CYP7B1: variants seen among roughly 807,000 people sequenced by gnomAD.
CYP7B1 encodes the protein cytochrome P450 family 7 subfamily B member 1, also known as cytochrome P450 7B1.
Under a neutral mutation model 42.7 loss-of-function variants are expected in CYP7B1, and 29 were observed. The ratio of observed to expected loss-of-function variants is 0.68; its 90% CI spans 0.51 to 0.93. The LOEUF is 0.93. Among genes scored for constraint, CYP7B1 ranks in the 40% least tolerant of loss-of-function variants. CYP7B1 has a pLI of 0.00. For synonymous variants in CYP7B1, 235 were observed against 218.2 expected, an observed-to-expected ratio of 1.08 and a Z score of -0.68; for missense variants, 655 against 600.5, an observed-to-expected ratio of 1.09 and a Z score of -0.95.
intron 1 of CYP7B1, among the ~76,000 whole-genome samples, chr8:64,765,959 A>G (rs1056482073): frequency 3.9e-5 from 6 of 152,192 alleles, no homozygotes; most frequent in Non-Finnish European, 7.3e-5. Flanking sequence ...TTGGAGCCAT[A>G]TATTGTTACT....
At chr8:64,760,317 A>G (rs1032893364) in intron 1 of CYP7B1, among the ~76,000 whole-genome samples, 7 of 152,120 alleles carry the variant, frequency 4.6e-5, no homozygotes, top group African/African-American at 1.4e-4. Context: ...TTTTTTGGTT[A>G]TGACACCAAA....
chr8:64,612,526 C>T (rs1355135953), intron 4 of CYP7B1, among the ~76,000 whole-genome samples: 2 of 152,062 alleles, frequency 1.3e-5, no homozygotes, highest in African/African-American at 4.8e-5. Flanking sequence ...ACAAATCTAT[C>T]ATAACCTCTT....
At chr8:64,620,302 T>C (rs1379742309) in intron 2 of CYP7B1, among the ~76,000 whole-genome samples, 3 of 152,190 alleles carry the variant, frequency 2.0e-5, no homozygotes. Context: ...AAATATCGGT[T>C]GGAAGAGTGA....
chr8:64,608,055 A>G (rs1167749465), intron 4 of CYP7B1, among the ~76,000 whole-genome samples: 1 of 152,216 alleles, frequency 6.6e-6, no homozygotes, highest in African/African-American at 2.4e-5. Flanking sequence ...CACAATTCAG[A>G]GCATGCACTA....
chr8:64,764,800 C>T (rs1256472498), intron 1 of CYP7B1, among the ~76,000 whole-genome samples: 1 of 152,086 alleles, frequency 6.6e-6, no homozygotes, highest in African/African-American at 2.4e-5. Context: ...AGCTTACTAA[C>T]TAAAAAATCT....
At chr8:64,636,279 A>T (rs1408649525) in intron 1 of CYP7B1, among the ~76,000 whole-genome samples, 1 of 151,928 alleles carries the variant, frequency 6.6e-6, no homozygotes, top group Non-Finnish European at 1.5e-5. Context: ...GGCTCTGCCA[A>T]CTCCTACCTT....
At position 64,615,968 on chromosome 8, in the gene CYP7B1, G is replaced by T. The variant is rs1245820259; in HGVS notation, c.573C>A (p.Ile191=). 6.2e-7 allele frequency: 1 copy of T among 1,613,646 alleles called. No homozygotes were observed. The highest frequency in any genetic ancestry group is 8.5e-7 in the Non-Finnish European group (1 of 1,179,816). ...YPFCSSIIFE[I]TFTTIYGKVI... ...CTTTTCCATATATAGTTGTAAATGT[G>T]ATCTCAAATATTATTGAGCTGCAGA... The change falls in exon 3 of 6, where the codon ATC becomes ATA. Residue 191 remains isoleucine, a synonymous_variant. Coordinates refer to ENST00000310193, the MANE Select transcript of CYP7B1 (RefSeq NM_004820.5).
intron 1 of CYP7B1, among the ~76,000 whole-genome samples, chr8:64,716,584 G>C (rs995343717): frequency 6.6e-6 from 1 of 152,056 alleles, no homozygotes; most frequent in African/African-American, 2.4e-5. Flanking sequence ...GTAGGCACCT[G>C]TAATCACAGC....
Position 64,593,235 on chromosome 8 carries a change from GTGTGTGTGTGTGTGTGTGTGTGTGT to G in CYP7B1, c.*3382_*3406del, listed in dbSNP as rs1805064711. On this transcript the variant is annotated 3_prime_UTR_variant, in exon 6 of 6. Transcript: ENST00000310193. ...TGGACTAAAGGCTAGGGCCCAGGGT[GTGTGTGTGTGTGTGTGTGTGTGTGT>G]GTGTGTGTGTGTGTGTGTGTGTGTG... 1.9e-5 allele frequency among the ~76,000 whole-genome samples: 1 copy of G among 51,664 alleles called. No individual in the cohort carries two copies. Among genetic ancestry groups the G allele is most frequent in the Admixed American group, 2.1e-4 (1 of 4,718 alleles). 33.9% of individuals were successfully genotyped at this position (51,664 alleles called of 152,430 possible).
chr8:64,764,227 C>T (rs1807935338), intron 1 of CYP7B1, among the ~76,000 whole-genome samples: 1 of 8,374 alleles, frequency 1.2e-4, no homozygotes, highest in Admixed American at 6.0e-4. Flanking sequence ...AGCTTCCACG[C>T]TGCCCCCCCC....
At chr8:64,742,756 C>T (rs1807588914) in intron 1 of CYP7B1, among the ~76,000 whole-genome samples, 1 of 152,086 alleles carries the variant, frequency 6.6e-6, no homozygotes, top group South Asian at 2.1e-4. Context: ...TCCGTGTGTA[C>T]CTCCTTTTAT....
chr8:64,728,857 AC>A (rs1008753047), intron 1 of CYP7B1: 1 of 152,180 alleles, frequency 6.6e-6, no homozygotes, highest in African/African-American at 2.4e-5. Context: ...AGAATATCCT[AC>A]CCAAGAAATT....
chr8:64,738,742 G>A (rs190063798), intron 1 of CYP7B1, among the ~76,000 whole-genome samples: 1 of 152,226 alleles, frequency 6.6e-6, no homozygotes, highest in African/African-American at 2.4e-5. Flanking sequence ...GAGCTTGCAG[G>A]GCAAACTGCC....
At chr8:64,672,543 G>A (rs540798209) in intron 1 of CYP7B1, among the ~76,000 whole-genome samples, 1 of 152,034 alleles carries the variant, frequency 6.6e-6, no homozygotes, top group Non-Finnish European at 1.5e-5. Context: ...TCTTACCTAT[G>A]ATTCTTCCTA....
At chr8:64,762,841 A>T (rs1026236004) in intron 1 of CYP7B1, among the ~76,000 whole-genome samples, 1 of 152,200 alleles carries the variant, frequency 6.6e-6, no homozygotes, top group Non-Finnish European at 1.5e-5. Context: ...TCATTGTAAA[A>T]CTACTGGGTG....
intron 2 of CYP7B1, among the ~76,000 whole-genome samples, chr8:64,622,707 G>T (rs937359843): frequency 6.6e-6 from 1 of 152,188 alleles, no homozygotes; most frequent in Non-Finnish European, 1.5e-5. Flanking sequence ...AAAAAATGAA[G>T]ATGCATGTGT....
At position 64,596,521 on chromosome 8, in the gene CYP7B1, T is replaced by C. The variant is rs1312210320; in HGVS notation, c.*121A>G. On this transcript the variant is annotated 3_prime_UTR_variant, in exon 6 of 6. Transcript: ENST00000310193. Reference sequence around the variant, plus strand: ...CAAACTGGACTGATATCAGATCAAATAGAAATTAGCGCTTTTTAAACAAAT... The same window carrying C: ...CAAACTGGACTGATATCAGATCAAACAGAAATTAGCGCTTTTTAAACAAAT... 8.6e-6 allele frequency: 9 copies of C among 1,044,868 alleles called. No homozygotes were observed. Among genetic ancestry groups the C allele is most frequent in the Non-Finnish European group, 1.1e-5 (8 of 724,450 alleles). The allele number at this position is 1,044,868 out of a possible 1,614,324, so 64.7% of individuals were successfully genotyped here. A position where few individuals can be genotyped will look rare whatever the true frequency, so the allele number is the denominator to read the frequency against.
chr8:64,700,722 G>A (rs1355333808), intron 1 of CYP7B1, among the ~76,000 whole-genome samples: 1 of 152,056 alleles, frequency 6.6e-6, no homozygotes, highest in African/African-American at 2.4e-5. Context: ...AAAGAACAAA[G>A]TATATGTATA....
chr8:64,646,984 C>T (rs1805963210), intron 1 of CYP7B1, among the ~76,000 whole-genome samples: 1 of 152,218 alleles, frequency 6.6e-6, no homozygotes, highest in South Asian at 2.1e-4. Context: ...TGGCTTTCAA[C>T]ATGCCTTCCT....
Sources: gnomAD v4.1 joint callset for allele counts (sites outside exome capture counted in the v4.1 genomes callset) on GRCh38, gnomAD v4.1.1 for gene constraint, MANE v1.5 for transcripts, NCBI Gene and HGNC (gene_info 2026-07-23, HGNC 2026-07-21) for gene names.